CIT: variants seen among roughly 807,000 people sequenced by gnomAD.
The protein encoded by CIT is citron Rho-interacting kinase.
A neutral mutation model predicts 272.7 loss-of-function variants in CIT; 79 were observed. That is an observed-to-expected ratio of 0.29 (90% CI 0.24 to 0.35). CIT has a LOEUF of 0.35. CIT is among the 10% of genes least tolerant of loss of function. The pLI, the probability that CIT is intolerant of heterozygous loss-of-function variation, is 1.00. For missense variants in CIT, 1,909 were observed against 2,618.3 expected, an observed-to-expected ratio of 0.73 and a Z score of 5.91; for synonymous variants, 948 against 995.6, an observed-to-expected ratio of 0.95 and a Z score of 0.90.
At chr12:119,864,967 C>T (rs1333422130) in intron 3 of CIT, among the ~76,000 whole-genome samples, 1 of 152,138 alleles carries the variant, frequency 6.6e-6, no homozygotes, top group Non-Finnish European at 1.5e-5. Context: ...AAATCTCCAT[C>T]CCTATAGGAA....
rs1963791647 is a variant in CIT, at chr12:119,776,808, A to G, written c.1700T>C (p.Met567Thr). The G allele has an allele frequency of 1.9e-6, 3 of 1,614,098 alleles. No individual in the cohort carries two copies. In the South Asian group the frequency reaches 3.3e-5, roughly 18 times the overall value. ...AAGATCCTCTTCCAACTGATTCATC[A>G]TCAACCTCATTTCTTCCACTTGAGC... ...YQAQVEEMRL[M>T]MNQLEEDLVS... Residue 567 changes from methionine to threonine, a missense_variant, in exon 14 of 48, where the codon ATG (methionine) becomes ACG (threonine). By Grantham distance (81) the Met-to-Thr change is moderately conservative. Transcript: ENST00000392521.
chr12:119,801,895 C>G (rs758557127), intron 10 of CIT, among the ~76,000 whole-genome samples: 86 of 152,302 alleles, frequency 5.6e-4, no homozygotes, highest in Middle Eastern at 3.4e-3. Flanking sequence ...ACCCAGCCCC[C>G]AGAGAGGGGA....
chr12:119,773,979 A>T (rs964806872), intron 16 of CIT, among the ~76,000 whole-genome samples: 1 of 152,226 alleles, frequency 6.6e-6, no homozygotes, highest in Non-Finnish European at 1.5e-5. Context: ...CACCTTAAGA[A>T]GGAAGGAAAT....
At chr12:119,744,701 C>T (rs1221252551) in intron 23 of CIT, among the ~76,000 whole-genome samples, 11 of 108,938 alleles carry the variant, frequency 1.0e-4, no homozygotes, top group South Asian at 6.0e-4. Context: ...GGCAACAGGG[C>T]GAGACTCCGC....
intron 2 of CIT, among the ~76,000 whole-genome samples, chr12:119,869,548 G>C (rs1464077692): frequency 6.6e-6 from 1 of 152,132 alleles, no homozygotes. Context: ...TTCTACAATA[G>C]GAAACAATGG....
intron 5 of CIT, among the ~76,000 whole-genome samples, chr12:119,845,289 C>T (rs1969714565): frequency 6.6e-6 from 1 of 152,056 alleles, no homozygotes; most frequent in Non-Finnish European, 1.5e-5. Context: ...CACAGACAGT[C>T]CCAATCCAAG....
intron 9 of CIT, among the ~76,000 whole-genome samples, chr12:119,817,045 TCTCAA>T (rs1366756878): frequency 2.6e-4 from 40 of 152,172 alleles, no homozygotes; most frequent in Admixed American, 2.6e-3. Flanking sequence ...TCCTGAGTCT[TCTCAA>T]CTCATCTTGA....
chr12:119,765,024 G>A (rs1030757987), intron 19 of CIT, among the ~76,000 whole-genome samples: 17 of 151,684 alleles, frequency 1.1e-4, no homozygotes, highest in African/African-American at 4.1e-4. Flanking sequence ...GGCCAGGCTG[G>A]TCTTGAACTC....
intron 5 of CIT, among the ~76,000 whole-genome samples, chr12:119,842,289 T>A (rs1259853286): frequency 6.8e-6 from 1 of 147,570 alleles, no homozygotes; most frequent in Non-Finnish European, 1.5e-5. Context: ...CTCAGGAGGC[T>A]GAGGCAGGAG....
At chr12:119,863,751 C>T (rs1194404057) in intron 3 of CIT, among the ~76,000 whole-genome samples, 1 of 151,216 alleles carries the variant, frequency 6.6e-6, no homozygotes, top group Admixed American at 6.6e-5. Flanking sequence ...AGGATGGTCT[C>T]GATCTCTTGA....
chr12:119,703,923 A>G (rs528451717), intron 41 of CIT, among the ~76,000 whole-genome samples: 39 of 152,286 alleles, frequency 2.6e-4, no homozygotes, highest in Admixed American at 8.5e-4. Flanking sequence ...CCCTAATTAC[A>G]TATCAAAATA....
intron 10 of CIT, among the ~76,000 whole-genome samples, chr12:119,800,261 T>A (rs997226869): frequency 2.0e-4 from 30 of 152,150 alleles, no homozygotes; most frequent in Non-Finnish European, 3.7e-4. Flanking sequence ...TCTCCAAGAC[T>A]AATTTCACCA....
intron 8 of CIT, among the ~76,000 whole-genome samples, chr12:119,824,116 A>G (rs1416106656): frequency 3.3e-4 from 9 of 27,448 alleles, no homozygotes; most frequent in Admixed American, 9.4e-4. Flanking sequence ...CTGTATATAT[A>G]TATATATATA....
At position 119,719,581 on chromosome 12, in the gene CIT, G is replaced by C. The variant is rs552029226; in HGVS notation, c.3841-720C>G. ...ATCCTTCCCGTGCAGCCAACGTCTA[G>C]TGGGAGGCGGCCTCTGAATGTTGTG... On this transcript the variant is annotated intron_variant, in intron 30 of 47. Transcript: ENST00000392521. Among the ~76,000 whole-genome samples the C allele has an allele frequency of 3.3e-5, 5 of 152,326 alleles. No individual in the cohort carries two copies. The South Asian group carries it at 1.0e-3, about 32-fold the overall frequency.
rs911952160 is a variant in CIT at position 119,844,265 on chromosome 12, G to A, written c.516+5909C>T. ...TTGAACTCCTGAACTAAGGTTATCC[G>A]CTCGCCTCGGCCTCCCAAAGTGCTG... On this transcript the variant is annotated intron_variant, in intron 5 of 47. Transcript: ENST00000392521. Among the ~76,000 whole-genome samples the A allele has an allele frequency of 8.5e-5, 13 of 152,048 alleles. No individual in the cohort carries two copies. The East Asian group carries it at 2.1e-3, about 25-fold the overall frequency.
intron 19 of CIT, among the ~76,000 whole-genome samples, chr12:119,761,864 T>C (rs1961842421): frequency 6.6e-6 from 1 of 152,148 alleles, no homozygotes; most frequent in Non-Finnish European, 1.5e-5. Context: ...CAACTTGATC[T>C]AATGTTCTTT....
At chr12:119,850,139 AG>A (rs771969868) in intron 5 of CIT, 34 bp downstream of exon 5, 3 of 1,280,574 alleles carry the variant, frequency 2.3e-6, no homozygotes, top group Non-Finnish European at 3.4e-6. Context: ...TCAGAGTGCT[AG>A]GCTAATTCCA....
rs1966454421 is a variant in CIT, at chr12:119,804,274, G to A, written c.1112-885C>T. The A allele has an allele frequency of 1.0e-6, 1 of 985,506 alleles. No homozygotes were observed. Among genetic ancestry groups the A allele is most frequent in the South Asian group, 4.7e-5 (1 of 21,288 alleles). The allele number at this position is 985,506 out of a possible 1,614,324, so 61.0% of individuals were successfully genotyped here. A position where few individuals can be genotyped will look rare whatever the true frequency, so the allele number is the denominator to read the frequency against. The stretch of plus-strand genomic sequence containing the variant: ...GACACTCGTCCATCAGTCACCAGGA[G>A]GCTGCCCATCGCGGTGGGCTCCCGG... On this transcript the variant is annotated intron_variant, in intron 9 of 47. Transcript: ENST00000392521. This position sits in a 1 kb window ranked among gnomAD's most constrained non-coding sequence, Gnocchi z 5.3.
chr12:119,803,492 T>C (rs1444518110), intron 9 of CIT, 103 bp from the exon 10 acceptor site: 3 of 810,860 alleles, frequency 3.7e-6, no homozygotes, highest in Admixed American at 2.8e-5. Flanking sequence ...GCGCTGGCGA[T>C]GGCACTGCAG....
Sources: gnomAD v4.1 joint callset for allele counts (sites outside exome capture counted in the v4.1 genomes callset) on GRCh38, gnomAD v4.1.1 for gene constraint, Gnocchi (gnomAD v3.1) non-coding constraint, MANE v1.5 for transcripts, NCBI Gene and HGNC (gene_info 2026-07-23, HGNC 2026-07-21) for gene names.